Variants in MAP4 observed in about 807,000 individuals in gnomAD.
MAP4 encodes microtubule-associated protein 4.
Under a neutral mutation model 170.2 loss-of-function variants are expected in MAP4, and 76 were observed. The ratio of observed to expected loss-of-function variants is 0.45; its 90% CI spans 0.37 to 0.54. MAP4 has a LOEUF of 0.54. MAP4 is among the 20% of genes least tolerant of loss of function. MAP4 has a pLI of 0.00. For synonymous variants in MAP4, 909 were observed against 994.5 expected (o/e 0.91, Z 1.62); for missense variants, 2,506 against 2,748.0 (o/e 0.91, Z 1.97).
intron 17 of MAP4, among the ~76,000 whole-genome samples, chr3:47,863,937 T>TGTGTGGGGGGGGGG (rs374208589): frequency 7.2e-5 from 10 of 138,454 alleles, no homozygotes; most frequent in South Asian, 2.4e-4. Context: ...TGTGTGTGTG[T>TGTGTGGGGGGGGGG]GGGGAGTGGT....
chr3:47,999,078 G>C (rs1022770669), intron 1 of MAP4, among the ~76,000 whole-genome samples, 199 bp from the exon 2 acceptor site: 1 of 152,152 alleles, frequency 6.6e-6, no homozygotes, highest in Non-Finnish European at 1.5e-5. Context: ...CTCACCGCTA[G>C]TTACTCTTTT....
At chr3:48,067,092 A>G (rs2100138714) in intron 1 of MAP4, among the ~76,000 whole-genome samples, 3 of 151,774 alleles carry the variant, frequency 2.0e-5, no homozygotes, top group Non-Finnish European at 4.4e-5. Context: ...CGCCCACCTT[A>G]GCCTCCCAAA....
chr3:48,068,188 C>A (rs1410696220), intron 1 of MAP4, among the ~76,000 whole-genome samples: 1 of 149,624 alleles, frequency 6.7e-6, no homozygotes, highest in Non-Finnish European at 1.5e-5. Context: ...TCATTTGAGC[C>A]CAGGAGGCAG....
chr3:47,901,282 A>G (rs2100029861), intron 10 of MAP4, among the ~76,000 whole-genome samples: 1 of 152,226 alleles, frequency 6.6e-6, no homozygotes, highest in Admixed American at 6.5e-5. Flanking sequence ...GAATCTCTGA[A>G]GAGTATAGAA....
chr3:47,988,441 G>C (rs2100090237), intron 2 of MAP4, among the ~76,000 whole-genome samples: 1 of 152,080 alleles, frequency 6.6e-6, no homozygotes, highest in African/African-American at 2.4e-5. Context: ...GATGAACATA[G>C]GTGAGGAGGA....
chr3:48,045,258 C>CAAAA (rs34377968), intron 1 of MAP4, among the ~76,000 whole-genome samples: 2 of 102,160 alleles, frequency 2.0e-5, no homozygotes, highest in Non-Finnish European at 1.9e-5. Context: ...GACTCAGTCT[C>CAAAA]AAAAAAAAAA....
chr3:48,056,232 C>G (rs1225602348), intron 1 of MAP4, among the ~76,000 whole-genome samples: 1 of 131,504 alleles, frequency 7.6e-6, no homozygotes, highest in Admixed American at 7.1e-5. Flanking sequence ...AGCCCCCCGC[C>G]TGGCCAGCCG....
chr3:47,928,299 T>G lies in MAP4; in HGVS notation c.344A>C (p.Asn115Thr). 6.2e-7 allele frequency: 1 copy of G among 1,614,150 alleles called. No individual in the cohort carries two copies. Among genetic ancestry groups the G allele is most frequent in the Non-Finnish European group, 8.5e-7 (1 of 1,180,000 alleles). The stretch of plus-strand genomic sequence containing the variant: ...GGTATCTTCTGGCCAGTTCTGGCTA[T>G]TTGGGTATTCCTGGTAGGCCATTTT... Reference protein sequence around the residue: ...EEKMAYQEYPNSQNWPEDTNF... With the variant: ...EEKMAYQEYPTSQNWPEDTNF... The change falls in exon 4 of 21, where the codon AAT becomes ACT. Residue 115 changes from asparagine (N) to threonine (T), a missense_variant. This residue lies in a region of MAP4 where 2,008 missense variants were observed against 2,206.0 expected (regional missense o/e 0.91). Transcript: ENST00000683076.
At chr3:48,004,479 G>T (rs1227418939) in intron 1 of MAP4, among the ~76,000 whole-genome samples, 1 of 152,226 alleles carries the variant, frequency 6.6e-6, no homozygotes, top group Admixed American at 6.5e-5. Context: ...GAAAGAAAAT[G>T]ATGAACTCAG....
chr3:47,968,887 A>C (rs745808027), intron 3 of MAP4, among the ~76,000 whole-genome samples: 20 of 152,164 alleles, frequency 1.3e-4, no homozygotes, highest in Non-Finnish European at 4.4e-5. Flanking sequence ...AAACTACTAA[A>C]ACCAGAAATG....
intron 1 of MAP4, among the ~76,000 whole-genome samples, chr3:48,087,743 GCGCACACACACACACACACACA>G (rs1475188232): frequency 2.9e-5 from 2 of 67,946 alleles, no homozygotes; most frequent in African/African-American, 6.0e-5. Context: ...ACACACGCAC[GCGCACACACACACACACACACA>G]CACACACACA....
intron 3 of MAP4, among the ~76,000 whole-genome samples, chr3:47,956,621 A>C (rs1283075259): frequency 3.3e-5 from 5 of 152,236 alleles, no homozygotes; most frequent in African/African-American, 1.2e-4. Flanking sequence ...TCTGGGGGAA[A>C]GATATGCAGA....
At position 47,910,871 on chromosome 3, in the gene MAP4, C is replaced by G; in HGVS notation, c.3550G>C (p.Gly1184Arg). ...TETGDVVKDM[G>R]VNNQSKEGRC... Reference sequence around the variant, plus strand: ...CCTTCCTTGCTCTGGTTATTGACACCCATATCTTTGACTACATCTCCTGTT... The same window carrying G: ...CCTTCCTTGCTCTGGTTATTGACACGCATATCTTTGACTACATCTCCTGTT... The change falls in exon 9 of 21, where the codon GGT becomes CGT. Residue 1184 changes from glycine (G) to arginine (R), a missense_variant. Physicochemically the swap from Gly to Arg is moderately radical, Grantham distance 125. Around this residue, in one of 3 missense-constraint regions of MAP4, gnomAD observed 2,008 missense variants for 2,206.0 expected, o/e 0.91. Transcript: ENST00000683076. The G allele has an allele frequency of 6.5e-7, 1 of 1,536,070 alleles. No homozygotes were observed. The highest frequency in any genetic ancestry group is 1.7e-4 in the Middle Eastern group (1 of 5,990).
chr3:47,893,093 A>G (rs1049919898), intron 10 of MAP4, among the ~76,000 whole-genome samples: 1 of 152,056 alleles, frequency 6.6e-6, no homozygotes. Flanking sequence ...TCTCAGAGGA[A>G]GAGTGGGTTT....
chr3:48,053,328 T>C (rs2100128886), intron 1 of MAP4, among the ~76,000 whole-genome samples: 1 of 150,722 alleles, frequency 6.6e-6, no homozygotes, highest in Non-Finnish European at 1.5e-5. Flanking sequence ...GTTTCTGTTT[T>C]GCAAGTTCCA....
chr3:48,072,197 A>ATAC (rs550921639), intron 1 of MAP4, among the ~76,000 whole-genome samples: 68 of 151,514 alleles, frequency 4.5e-4, no homozygotes, highest in South Asian at 1.0e-3. Context: ...CATCTCAAAA[A>ATAC]TACTACTACT....
chr3:48,018,489 G>T (rs2100108921), upstream of MAP4, among the ~76,000 whole-genome samples: 1 of 152,140 alleles, frequency 6.6e-6, no homozygotes, highest in African/African-American at 2.4e-5. Flanking sequence ...AGGCTGAAAG[G>T]TTATCACCAA....
At chr3:48,007,094 A>G (rs917349472) in intron 1 of MAP4, among the ~76,000 whole-genome samples, 2 of 152,244 alleles carry the variant, frequency 1.3e-5, no homozygotes, top group African/African-American at 4.8e-5. Context: ...CTTCCGCAAG[A>G]TATCACACTG....
At chr3:47,891,084 T>C (rs1476284283) in intron 10 of MAP4, 2 of 1,534,300 alleles carry the variant, frequency 1.3e-6, no homozygotes, top group Admixed American at 2.0e-5. Context: ...GTGACCTCAA[T>C]TTCTTTCTTC....
Sources: allele counts gnomAD v4.1 joint callset (sites outside exome capture counted in the v4.1 genomes callset), GRCh38; gene constraint gnomAD v4.1.1; regional missense constraint gnomAD v4.1.1; transcripts MANE v1.5; gene names NCBI Gene and HGNC (gene_info 2026-07-23, HGNC 2026-07-21).